Variants in NRG3 observed in about 807,000 individuals in gnomAD.
NRG3 encodes the protein neuregulin 3, also known as pro-neuregulin-3, membrane-bound isoform.
A neutral mutation model predicts 66.9 loss-of-function variants in NRG3; 31 were observed. The ratio of observed to expected loss-of-function variants is 0.46; its 90% CI spans 0.35 to 0.63. The LOEUF (loss-of-function observed/expected upper bound fraction) is 0.63, where lower values mean the gene tolerates loss of function less well. Among genes scored for constraint, NRG3 ranks in the 20% least tolerant of loss-of-function variants. NRG3 has a pLI of 0.00. For missense variants in NRG3, 910 were observed against 878.9 expected, an observed-to-expected ratio of 1.04 and a Z score of -0.45; for synonymous variants, 393 against 359.4, an observed-to-expected ratio of 1.09 and a Z score of -1.06.
intron 3 of NRG3, among the ~76,000 whole-genome samples, chr10:82,853,874 C>A (rs2063682664): frequency 6.6e-6 from 1 of 152,088 alleles, no homozygotes; most frequent in Non-Finnish European, 1.5e-5. Flanking sequence ...TTGTCTTGTT[C>A]CAGCTCTCAG....
intron 1 of NRG3, among the ~76,000 whole-genome samples, chr10:82,255,954 C>G (rs762509986): frequency 4.0e-4 from 60 of 150,132 alleles, no homozygotes; most frequent in Admixed American, 2.5e-3. Context: ...GATGGAGTCT[C>G]GCTCTGTCAC....
At chr10:82,814,956 C>T (rs1213619749) in intron 3 of NRG3, among the ~76,000 whole-genome samples, 1 of 152,126 alleles carries the variant, frequency 6.6e-6, no homozygotes, top group Non-Finnish European at 1.5e-5. Flanking sequence ...GCATAGACTT[C>T]TAGAGATCAC....
chr10:82,291,037 G>T (rs1332702554), intron 1 of NRG3, among the ~76,000 whole-genome samples: 3 of 151,832 alleles, frequency 2.0e-5, no homozygotes, highest in Non-Finnish European at 4.4e-5. Flanking sequence ...GGTTTCAATT[G>T]TTATACATGT....
chr10:82,876,701 A>G (rs1179972209), intron 4 of NRG3, among the ~76,000 whole-genome samples: 1 of 152,204 alleles, frequency 6.6e-6, no homozygotes, highest in Admixed American at 6.5e-5. Flanking sequence ...AAAGAGCAAC[A>G]GTGATGTTCA....
chr10:82,094,299 T>C (rs2066207532), intron 1 of NRG3, among the ~76,000 whole-genome samples: 1 of 152,170 alleles, frequency 6.6e-6, no homozygotes, highest in Non-Finnish European at 1.5e-5. Flanking sequence ...TGAGACACTG[T>C]CTTACAGCAT....
chr10:82,044,510 C>T (rs1184418850), intron 1 of NRG3, among the ~76,000 whole-genome samples: 5 of 152,012 alleles, frequency 3.3e-5, no homozygotes, highest in South Asian at 2.1e-4. Context: ...ACATAGACAG[C>T]GACCCCAGCT....
intron 3 of NRG3, among the ~76,000 whole-genome samples, chr10:82,776,896 C>A (rs370500325): frequency 1.5e-3 from 221 of 152,072 alleles, no homozygotes; most frequent in African/African-American, 5.0e-3. Flanking sequence ...ATTATGTATT[C>A]ATCTTCAGGC....
At chr10:82,834,125 C>T (rs770289158) in intron 3 of NRG3, among the ~76,000 whole-genome samples, 7 of 152,124 alleles carry the variant, frequency 4.6e-5, no homozygotes, top group Non-Finnish European at 7.4e-5. Context: ...TATATTTGCT[C>T]TCATAGATAG....
intron 1 of NRG3, among the ~76,000 whole-genome samples, chr10:82,352,646 A>G (rs779625601): frequency 6.6e-6 from 1 of 152,168 alleles, no homozygotes; most frequent in Non-Finnish European, 1.5e-5. Context: ...TCTGTGGACA[A>G]CTGTGGGATT....
intron 6 of NRG3, among the ~76,000 whole-genome samples, chr10:82,963,785 G>A (rs1197051884): frequency 6.6e-6 from 1 of 152,180 alleles, no homozygotes; most frequent in Admixed American, 6.5e-5. Context: ...TAAGTGATGA[G>A]GCAGTTAGGA....
intron 4 of NRG3, among the ~76,000 whole-genome samples, chr10:82,946,065 A>G (rs1044657335): frequency 9.9e-5 from 15 of 152,018 alleles, no homozygotes; most frequent in African/African-American, 3.6e-4. Flanking sequence ...TGATGTGGGA[A>G]TTGCTGCACT....
At chr10:82,131,178 C>A (rs766549561) in intron 1 of NRG3, among the ~76,000 whole-genome samples, 2 of 152,164 alleles carry the variant, frequency 1.3e-5, no homozygotes, top group Middle Eastern at 3.4e-3. Context: ...TGTTTGAGGT[C>A]TTAGATTTAA....
chr10:82,349,849 T>C (rs954599997), intron 1 of NRG3, among the ~76,000 whole-genome samples: 11 of 152,182 alleles, frequency 7.2e-5, no homozygotes, highest in African/African-American at 2.7e-4. Flanking sequence ...TGTCACCCCT[T>C]TCTTTGACTC....
At chr10:82,706,993 C>CAAAAAA (rs200718701) in intron 2 of NRG3, among the ~76,000 whole-genome samples, 319 of 123,256 alleles carry the variant, frequency 2.6e-3, no homozygotes, top group African/African-American at 9.5e-3. Flanking sequence ...GACTCCATCT[C>CAAAAAA]AAAAAAAAAA....
intron 2 of NRG3, among the ~76,000 whole-genome samples, chr10:82,509,120 C>T (rs1239720441): frequency 6.6e-6 from 1 of 152,108 alleles, no homozygotes; most frequent in Non-Finnish European, 1.5e-5. Flanking sequence ...CTCCATATCC[C>T]CCAAACTCCC....
intron 3 of NRG3, among the ~76,000 whole-genome samples, chr10:82,815,071 G>A (rs1221309709): frequency 6.6e-6 from 1 of 152,162 alleles, no homozygotes; most frequent in Non-Finnish European, 1.5e-5. Context: ...TGCGGTCATC[G>A]CCGTCCTCCT....
chr10:82,415,060 A>T (rs892811066), intron 2 of NRG3, among the ~76,000 whole-genome samples: 1 of 152,202 alleles, frequency 6.6e-6, no homozygotes, highest in African/African-American at 2.4e-5. Flanking sequence ...TCACCAAACA[A>T]CTGAGCACCA....
intron 4 of NRG3, among the ~76,000 whole-genome samples, chr10:82,897,958 A>G (rs1232201200): frequency 6.6e-6 from 1 of 151,932 alleles, no homozygotes; most frequent in African/African-American, 2.4e-5. Flanking sequence ...TTCACTTAGC[A>G]CTTACTATAA....
At chr10:82,015,844 TG>T (rs2061764472) in intron 1 of NRG3, among the ~76,000 whole-genome samples, 1 of 151,768 alleles carries the variant, frequency 6.6e-6, no homozygotes, top group Non-Finnish European at 1.5e-5. Context: ...ATCTGTGAAA[TG>T]GGTTAATAAT....
Sources: gnomAD v4.1 joint callset for allele counts (sites outside exome capture counted in the v4.1 genomes callset) on GRCh38, gnomAD v4.1.1 for gene constraint, MANE v1.5 for transcripts, NCBI Gene and HGNC (gene_info 2026-07-23, HGNC 2026-07-21) for gene names.